The following SYNJ1 variants were observed in gnomAD, a reference collection of about 807,000 sequenced individuals.
SYNJ1 encodes polyphosphatidylinositol phosphatase SYNJ1.
Under a neutral mutation model 168.2 loss-of-function variants are expected in SYNJ1, and 78 were observed. The observed-to-expected ratio is 0.46, with a 90% CI of 0.39 to 0.56. SYNJ1 has a LOEUF of 0.56. Among genes scored for constraint, SYNJ1 ranks in the 20% least tolerant of loss-of-function variants. The pLI is 0.00. For synonymous variants in SYNJ1, 539 were observed against 548.6 expected (o/e 0.98, Z 0.24); for missense variants, 1,303 against 1,597.6 (o/e 0.82, Z 3.14).
chr21:32,676,387 C>T, intron 12 of SYNJ1, 32 bp from the exon 13 acceptor site: 2 of 1,601,588 alleles, frequency 1.2e-6, no homozygotes, highest in South Asian at 2.2e-5. Flanking sequence ...AACAAAGAAT[C>T]ATTAGTAAAA....
intron 2 of SYNJ1, among the ~76,000 whole-genome samples, chr21:32,713,307 C>A (rs1178255332): frequency 1.4e-5 from 2 of 146,772 alleles, no homozygotes; most frequent in African/African-American, 5.1e-5. Flanking sequence ...CATATATCAA[C>A]ATGGATGATT....
In SYNJ1 at chr21:32,643,515, A is replaced by G. The variant is rs1218702646; in HGVS notation, c.3431-58T>C. ...TTCAGGGCCCACAGCACAGAATGAA[A>G]GGCAGGCACACAAGACAATTTCCAT... On this transcript the variant is annotated intron_variant, in intron 26 of 32. Transcript: ENST00000674351. 7.2e-6 allele frequency: 11 copies of G among 1,537,610 alleles called. No individual in the cohort carries two copies. The Admixed American group carries it at 1.9e-4, about 27-fold the overall frequency.
intron 3 of SYNJ1, among the ~76,000 whole-genome samples, chr21:32,700,656 C>CA (rs932805451): frequency 5.9e-5 from 9 of 151,332 alleles, no homozygotes; most frequent in African/African-American, 1.9e-4. Flanking sequence ...AACTACGTCT[C>CA]AAAAAAAACC....
At position 32,727,911 on chromosome 21, in the gene SYNJ1, C is replaced by T. The variant is rs1356791843; in HGVS notation, c.-23+35G>A. 14 of 1,531,436 alleles carry T rather than the reference C, an allele frequency of 9.1e-6. No homozygotes were observed. In the Admixed American group the frequency reaches 9.8e-5, roughly 11 times the overall value. 94.9% of individuals were successfully genotyped at this position (1,531,436 alleles called of 1,614,324 possible). ...CCGCCCGGCTGCCCGTGGGTCTGGCCGCAGCAGCTCCCCGCCCCCCGCCGG... is the reference window on the plus strand; with the variant it reads ...CCGCCCGGCTGCCCGTGGGTCTGGCTGCAGCAGCTCCCCGCCCCCCGCCGG... On this transcript the variant is annotated intron_variant, in intron 1 of 32. Coordinates refer to ENST00000674351, the MANE Select transcript of SYNJ1 (RefSeq NM_203446.3).
At chr21:32,684,215 C>T (rs1483422059) in intron 9 of SYNJ1, 96 bp from the exon 10 acceptor site, 6 of 1,109,664 alleles carry the variant, frequency 5.4e-6, no homozygotes, top group Non-Finnish European at 8.0e-6. Flanking sequence ...CATCCACCTT[C>T]CCTCTCCAAC....
At position 32,665,533 on chromosome 21, in the gene SYNJ1, A is replaced by G. The variant is rs1164207392; in HGVS notation, c.2145+410T>C. Among the ~76,000 whole-genome samples, 10 of 152,336 alleles carry G rather than the reference A, an allele frequency of 6.6e-5. No individual in the cohort carries two copies. In the East Asian group the frequency reaches 1.7e-3, roughly 26 times the overall value. ...GGAAGGCTGATCTAGGACTTAAAAG[A>G]ATGCAACCTTTTGCGTCTTATCTAC... On this transcript the variant is annotated intron_variant, in intron 17 of 32. Transcript: ENST00000674351.
intron 2 of SYNJ1, among the ~76,000 whole-genome samples, chr21:32,725,338 T>G (rs1254965121): frequency 3.9e-5 from 6 of 152,196 alleles, no homozygotes; most frequent in African/African-American, 1.4e-4. Flanking sequence ...GAATTCCACT[T>G]GTAGTAAAAA....
intron 31 of SYNJ1, among the ~76,000 whole-genome samples, chr21:32,638,619 C>T (rs896691905): frequency 1.3e-5 from 2 of 152,130 alleles, no homozygotes; most frequent in Non-Finnish European, 2.9e-5. Flanking sequence ...ATCGCTTGAA[C>T]CCGGGAGGCG....
At chr21:32,673,673 C>CA (rs2041291312) in intron 13 of SYNJ1, 142 bp from the exon 14 acceptor site, 10 of 543,318 alleles carry the variant, frequency 1.8e-5, no homozygotes, top group Middle Eastern at 6.1e-4. Flanking sequence ...GGCACAGGCA[C>CA]AAAAAAAGAT....
chr21:32,670,437 C>T (rs138163320), intron 14 of SYNJ1, 65 bp from the exon 15 acceptor site: 53 of 1,176,854 alleles, frequency 4.5e-5, no homozygotes, highest in Admixed American at 2.3e-4. Context: ...CCCCATCCAA[C>T]ACAACATAAC....
At position 32,681,568 on chromosome 21, in the gene SYNJ1, T is replaced by C. The variant is rs1256463338; in HGVS notation, c.1281A>G (p.Ser427=). Residue 427 remains serine, a synonymous_variant, in exon 11 of 33, where the codon TCA becomes TCG. Coordinates refer to ENST00000674351, the MANE Select transcript of SYNJ1 (RefSeq NM_203446.3). The stretch of plus-strand genomic sequence containing the variant: ...TTGAATCACCATTCACGGACCACAT[T>C]GACCGAAAAACTTCTTGAAAGCGAG... ...LVTRFQEVFR[S]MWSVNGDSIS... 6.2e-7 allele frequency: 1 copy of C among 1,613,806 alleles called. No homozygotes were observed. The highest frequency in any genetic ancestry group is 1.3e-5 in the African/African-American group (1 of 74,928).
In SYNJ1 at chr21:32,653,304, C is replaced by T; in HGVS notation, c.2858G>A (p.Ser953Asn). The change falls in exon 22 of 33, where the codon AGC (serine) becomes AAC (asparagine). Residue 953 changes from serine to asparagine, a missense_variant. Ser to Asn is a conservative substitution (Grantham distance 46, BLOSUM62 1). Around this residue, in one of 2 missense-constraint regions of SYNJ1, gnomAD observed 920 missense variants for 1,208.8 expected, o/e 0.76. Transcript: ENST00000674351. The stretch of plus-strand genomic sequence containing the variant: ...CTACCTTACCTCTTTACCATTTAGG[C>T]TCAGAACATTCAAGGCAGAGCTTCC... The part of the protein sequence containing the change: ...LEGSSALNVL[S>N]LNGKELLNRT... The T allele has an allele frequency of 6.2e-7, 1 of 1,613,714 alleles. No individual in the cohort carries two copies. The highest frequency in any genetic ancestry group is 1.3e-5 in the African/African-American group (1 of 75,034).
At chr21:32,659,501 T>G (rs974966560) in intron 18 of SYNJ1, among the ~76,000 whole-genome samples, 2 of 152,126 alleles carry the variant, frequency 1.3e-5, no homozygotes, top group African/African-American at 4.8e-5. Context: ...GCCTGGTGGT[T>G]AAAAATCAAC....
chr21:32,670,518 G>A, intron 14 of SYNJ1, 146 bp from the exon 15 acceptor site: 7 of 671,462 alleles, frequency 1.0e-5, no homozygotes, highest in Non-Finnish European at 1.4e-5. Flanking sequence ...AAACACTCTT[G>A]AGTGGAATGA....
chr21:32,716,089 T>C (rs2043014595), intron 2 of SYNJ1, among the ~76,000 whole-genome samples: 1 of 152,198 alleles, frequency 6.6e-6, no homozygotes, highest in Non-Finnish European at 1.5e-5. Context: ...CAAATTCTTA[T>C]TAACAACCAT....
intron 11 of SYNJ1, among the ~76,000 whole-genome samples, chr21:32,679,995 T>C (rs1458555792): frequency 6.6e-6 from 1 of 152,056 alleles, no homozygotes; most frequent in East Asian, 1.9e-4. Context: ...TGTACATATA[T>C]TGTAGTCACT....
Position 32,685,862 on chromosome 21 carries a change from T to C in SYNJ1, c.1004A>G (p.Tyr335Cys), listed in dbSNP as rs1469620917. 2 of 1,612,994 alleles carry C rather than the reference T, an allele frequency of 1.2e-6. No individual in the cohort carries two copies. Among genetic ancestry groups the C allele is most frequent in the South Asian group, 1.1e-5 (1 of 90,956 alleles). The change falls in exon 9 of 33, where the codon TAT (tyrosine) becomes TGT (cysteine). Residue 335 changes from tyrosine (Y) to cysteine (C), a missense_variant. Transcript: ENST00000674351. ...CTTTCCTCCCTTAACCATTTGATGA[T>C]AGTCAAAATTCACCATCTGGATATC... ...AADIQMVNFD[Y>C]HQMVKGGKAE...
rs927587930 is a variant in SYNJ1, at chr21:32,681,580, T to C, written c.1269A>G (p.Glu423=). The change falls in exon 11 of 33, where the codon GAA becomes GAG. Residue 423 remains glutamate (E), a synonymous_variant. Coordinates refer to ENST00000674351, the MANE Select transcript of SYNJ1 (RefSeq NM_203446.3). ...TCACGGACCACATTGACCGAAAAAC[T>C]TCTTGAAAGCGAGTCACCAACTGAG... ...EKPQLVTRFQ[E]VFRSMWSVNG... 2 of 1,613,810 alleles carry C rather than the reference T, an allele frequency of 1.2e-6. No homozygotes were observed. The highest frequency in any genetic ancestry group is 1.7e-6 in the Non-Finnish European group (2 of 1,179,886).
rs2039221590 is a variant in SYNJ1, at chr21:32,628,938, A to G, written c.*2867T>C. 6.5e-6 allele frequency: 1 copy of G among 152,688 alleles called. No individual in the cohort carries two copies. Among genetic ancestry groups the G allele is most frequent in the African/African-American group, 2.4e-5 (1 of 41,474 alleles). 9.5% of individuals were successfully genotyped at this position (152,688 alleles called of 1,614,324 possible). On this transcript the variant is annotated 3_prime_UTR_variant, in exon 33 of 33. Coordinates refer to ENST00000674351, the MANE Select transcript of SYNJ1 (RefSeq NM_203446.3). ...AACAGCAATCTAATATAGAGAACAC[A>G]GAGTTCACAAAGAGATCCTTAGTGT...
Sources: allele counts gnomAD v4.1 joint callset (sites outside exome capture counted in the v4.1 genomes callset), GRCh38; gene constraint gnomAD v4.1.1; regional missense constraint gnomAD v4.1.1; transcripts MANE v1.5; gene names NCBI Gene and HGNC (gene_info 2026-07-23, HGNC 2026-07-21).